Variants in FRMPD3 observed in about 807,000 individuals in gnomAD.
FRMPD3 encodes FERM and PDZ domain-containing protein 3.
Under a neutral mutation model 97.9 loss-of-function variants are expected in FRMPD3, and 42 were observed. The observed-to-expected ratio is 0.43, with a 90% CI of 0.34 to 0.55. The LOEUF is 0.55. Ranked by LOEUF, FRMPD3 falls within the 20% of genes least tolerant of loss-of-function variation. The pLI, the probability that FRMPD3 is intolerant of heterozygous loss-of-function variation, is 0.03. For missense variants in FRMPD3, 1,303 were observed against 1,457.7 expected (o/e 0.89, Z 1.73); for synonymous variants, 577 against 581.1 (o/e 0.99, Z 0.10).
chrX:107,599,362 C>T (rs1020593127), intron 14 of FRMPD3, among the ~76,000 whole-genome samples: 5 of 111,716 alleles, frequency 4.5e-5, no homozygotes, highest in Non-Finnish European at 7.5e-5. Context: ...GGATTGGGGT[C>T]AGAGAGAGCC....
intron 1 of FRMPD3, among the ~76,000 whole-genome samples, chrX:107,491,316 A>G (rs938929209): frequency 1.8e-5 from 2 of 112,669 alleles, no homozygotes; most frequent in African/African-American, 6.5e-5. Flanking sequence ...ATTAATAGCC[A>G]TTAGTAATTA....
At chrX:107,588,379 C>T (rs947393263) in intron 13 of FRMPD3, among the ~76,000 whole-genome samples, 5 of 110,422 alleles carry the variant, frequency 4.5e-5, no homozygotes, top group Admixed American at 2.9e-4. Context: ...CTCAGCCTCC[C>T]GAGTAGCTGG....
intron 1 of FRMPD3, among the ~76,000 whole-genome samples, chrX:107,476,862 ACT>A (rs1921213188): frequency 9.0e-6 from 1 of 111,470 alleles, no homozygotes; most frequent in Non-Finnish European, 1.9e-5. Flanking sequence ...AAGTACAACC[ACT>A]CTCTCTTCAG....
chrX:107,514,087 C>T (rs1251633488), intron 1 of FRMPD3, among the ~76,000 whole-genome samples: 1 of 110,521 alleles, frequency 9.0e-6, no homozygotes, highest in Non-Finnish European at 1.9e-5. Context: ...AAGAGGTTTC[C>T]AGGAAAAAGG....
intron 4 of FRMPD3, 63 bp from the exon 5 acceptor site, chrX:107,545,674 C>T (rs906244164): frequency 1.2e-5 from 11 of 918,332 alleles, no homozygotes; most frequent in Non-Finnish European, 1.6e-5. Context: ...TTAACTCTGA[C>T]GTGACAAAGG....
chrX:107,525,764 T>A, intron 1 of FRMPD3: 1 of 495,763 alleles, frequency 2.0e-6, no homozygotes, highest in South Asian at 2.8e-5. Flanking sequence ...CAACTTAAGA[T>A]GTATTCAAGT....
Position 107,526,567 on chromosome X carries a change from T to G in FRMPD3, c.-7-15T>G. 8.4e-7 allele frequency: 1 copy of G among 1,184,042 alleles called. No homozygotes were observed. The highest frequency in any genetic ancestry group is 1.1e-6 in the Non-Finnish European group (1 of 882,873). On this transcript the variant is annotated splice_polypyrimidine_tract_variant and intron_variant, in intron 1 of 14. Transcript: ENST00000683843. ...CTGTGCATCTTGTTTTGCTCCCACCTTCCCTTTTCCCCAGTCATGTGATGC... is the reference window on the plus strand; with the variant it reads ...CTGTGCATCTTGTTTTGCTCCCACCGTCCCTTTTCCCCAGTCATGTGATGC...
At chrX:107,545,434 T>A (rs911967742) in intron 4 of FRMPD3, 2 of 172,697 alleles carry the variant, frequency 1.2e-5, no homozygotes, top group Non-Finnish European at 2.2e-5. Context: ...AAACCAAATA[T>A]ATAAAAACTC....
chrX:107,574,458 AGTT>A (rs1175949838), intron 12 of FRMPD3, among the ~76,000 whole-genome samples: 1 of 112,195 alleles, frequency 8.9e-6, no homozygotes, highest in African/African-American at 3.2e-5. Context: ...ACAATGGCAG[AGTT>A]GTTGTGACAG....
chrX:107,519,820 GA>G lies in FRMPD3; in HGVS notation c.-7-6757del, dbSNP rs1157550923. Among the ~76,000 whole-genome samples the G allele has an allele frequency of 2.7e-5, 3 of 111,889 alleles. 1 individual carries two copies. In the Admixed American group the frequency reaches 2.8e-4, roughly 11 times the overall value. On this transcript the variant is annotated intron_variant, in intron 1 of 14. Coordinates refer to ENST00000683843, the MANE Select transcript of FRMPD3 (RefSeq NM_001388459.1). ...CCCGGAGGACTTGAATTTTGCAAAA[GA>G]AAAACAAAACAAAGCAAAACCAAAA...
At chrX:107,489,123 A>T (rs1921586221) in intron 1 of FRMPD3, among the ~76,000 whole-genome samples, 1 of 108,010 alleles carries the variant, frequency 9.3e-6, no homozygotes, top group Non-Finnish European at 1.9e-5. Flanking sequence ...GCTGACAATG[A>T]TGGTTTCCAG....
Position 107,599,778 on chromosome X carries a change from T to C in FRMPD3, c.2264-525T>C, listed in dbSNP as rs188004711. On this transcript the variant is annotated intron_variant, in intron 14 of 14. Coordinates refer to ENST00000683843, the MANE Select transcript of FRMPD3 (RefSeq NM_001388459.1). ...ATTCCGGCCTTTCATCCCCTTCTTA[T>C]AGCTTGCCCCTCTTTGTCCCCTCCC... is the stretch of plus-strand genomic sequence containing the variant. 8.1e-5 allele frequency among the ~76,000 whole-genome samples: 9 copies of C among 110,933 alleles called. No homozygotes were observed. In the East Asian group the frequency reaches 2.3e-3, roughly 28 times the overall value.
Position 107,602,869 on chromosome X carries a change from C to T in FRMPD3, c.4830C>T (p.Ala1610=), listed in dbSNP as rs1216859525. Residue 1610 remains alanine, a synonymous_variant, in exon 15 of 15, where the codon GCC becomes GCT. Transcript: ENST00000683843. Reference sequence around the variant, plus strand: ...TGACAGTCCTGCGGCAGTGTGTGGCCAGCCCCGAGGCCCGTGCCCCCAAGC... The same window carrying T: ...TGACAGTCCTGCGGCAGTGTGTGGCTAGCCCCGAGGCCCGTGCCCCCAAGC... The part of the protein sequence containing the change: ...ELLTVLRQCV[A]SPEARAPKPY... 9.1e-6 allele frequency: 11 copies of T among 1,210,604 alleles called. No individual in the cohort carries two copies. The highest frequency in any genetic ancestry group is 1.2e-5 in the Non-Finnish European group (11 of 895,199).
At chrX:107,597,197 T>C in intron 13 of FRMPD3, 124 bp from the exon 14 acceptor site, 2 of 581,132 alleles carry the variant, frequency 3.4e-6, no homozygotes, top group Non-Finnish European at 5.6e-6. Flanking sequence ...GGCAGCCAGG[T>C]AATGCTTTGT....
At chrX:107,519,523 G>C (rs1922442618) in intron 1 of FRMPD3, among the ~76,000 whole-genome samples, 1 of 111,095 alleles carries the variant, frequency 9.0e-6, no homozygotes, top group Non-Finnish European at 1.9e-5. Flanking sequence ...TAATAAAAAT[G>C]GTTAAAATGG....
Position 107,479,956 on chromosome X carries a change from C to A in FRMPD3, c.-8+29951C>A, listed in dbSNP as rs1243839215. Reference sequence around the variant, plus strand: ...CAAGGCTGGGCATGGTGGCTTATGCCTGTAATCCTAACACTTTGGGAGGCA... The same window carrying A: ...CAAGGCTGGGCATGGTGGCTTATGCATGTAATCCTAACACTTTGGGAGGCA... On this transcript the variant is annotated intron_variant, in intron 1 of 14. Coordinates refer to ENST00000683843, the MANE Select transcript of FRMPD3 (RefSeq NM_001388459.1). 2.8e-5 allele frequency among the ~76,000 whole-genome samples: 3 copies of A among 107,579 alleles called. No individual in the cohort carries two copies. The Admixed American group carries it at 3.0e-4, about 11-fold the overall frequency. 93.4% of individuals were successfully genotyped at this position (107,579 alleles called of 115,157 possible).
At chrX:107,477,280 C>A (rs1003754566) in intron 1 of FRMPD3, among the ~76,000 whole-genome samples, 4 of 109,715 alleles carry the variant, frequency 3.6e-5, no homozygotes, top group Non-Finnish European at 7.6e-5. Flanking sequence ...AGCTGGGTGC[C>A]CTAGGGCTGC....
At chrX:107,582,351 T>C (rs1048306372) in intron 13 of FRMPD3, among the ~76,000 whole-genome samples, 2 of 111,339 alleles carry the variant, frequency 1.8e-5, no homozygotes, top group Non-Finnish European at 3.8e-5. Flanking sequence ...ACCTGGCTAA[T>C]TTTTTTGTGT....
rs978223105 is a variant in FRMPD3, at chrX:107,602,709, C to T, written c.4670C>T (p.Ala1557Val). 5.0e-6 allele frequency: 6 copies of T among 1,207,180 alleles called. No individual in the cohort carries two copies. In the African/African-American group the frequency reaches 8.7e-5, roughly 18 times the overall value. ...AATCSSSSPEASRTQEIDLRV... is the reference protein window; with the variant it reads ...AATCSSSSPEVSRTQEIDLRV... Reference sequence around the variant, plus strand: ...ACCTGCAGCAGCAGCAGCCCTGAGGCCTCCCGCACTCAGGAGATTGACCTC... The same window carrying T: ...ACCTGCAGCAGCAGCAGCCCTGAGGTCTCCCGCACTCAGGAGATTGACCTC... The change falls in exon 15 of 15, where the codon GCC (alanine) becomes GTC (valine). Residue 1557 changes from alanine to valine, a missense_variant. By Grantham distance (64) the Ala-to-Val change is moderately conservative. Coordinates refer to ENST00000683843, the MANE Select transcript of FRMPD3 (RefSeq NM_001388459.1).
Sources: allele counts gnomAD v4.1 joint callset (sites outside exome capture counted in the v4.1 genomes callset), GRCh38; gene constraint gnomAD v4.1.1; transcripts MANE v1.5; gene names NCBI Gene and HGNC (gene_info 2026-07-23, HGNC 2026-07-21).